The following TANC2 variants were observed in gnomAD, a reference collection of about 807,000 sequenced individuals.
The protein encoded by TANC2 is protein TANC2.
In TANC2, 26 loss-of-function variants were observed where a neutral mutation model predicts 210.5. The ratio of observed to expected loss-of-function variants is 0.12; its 90% CI spans 0.09 to 0.17. The LOEUF (loss-of-function observed/expected upper bound fraction) is 0.17, where lower values mean the gene tolerates loss of function less well. Among genes scored for constraint, TANC2 ranks in the 10% least tolerant of loss-of-function variants. The probability of loss-of-function intolerance (pLI) is 1.00; values close to 1 mark genes in which losing one functional copy is unlikely to be tolerated. For missense variants in TANC2, 2,129 were observed against 2,608.9 expected, an observed-to-expected ratio of 0.82 and a Z score of 4.01; for synonymous variants, 931 against 967.1, an observed-to-expected ratio of 0.96 and a Z score of 0.69.
At chr17:63,207,276 C>G (rs1435732333) in intron 7 of TANC2, among the ~76,000 whole-genome samples, 2 of 130,952 alleles carry the variant, frequency 1.5e-5, no homozygotes, top group African/African-American at 6.0e-5. Context: ...AGTGCGGTTG[C>G]GCAGTCTCGG....
intron 2 of TANC2, among the ~76,000 whole-genome samples, chr17:63,044,996 A>G (rs1466078288): frequency 3.3e-5 from 5 of 152,216 alleles, no homozygotes; most frequent in South Asian, 2.1e-4. Flanking sequence ...CCATGGGCCA[A>G]ATCCAGCCTG....
At chr17:63,377,509 G>A (rs888600160) in intron 14 of TANC2, among the ~76,000 whole-genome samples, 2 of 152,176 alleles carry the variant, frequency 1.3e-5, no homozygotes, top group Non-Finnish European at 2.9e-5. Context: ...CTTTACTCCT[G>A]TTCCCAACAA....
At chr17:63,242,688 A>G (rs563456213) in intron 8 of TANC2, among the ~76,000 whole-genome samples, 3 of 152,182 alleles carry the variant, frequency 2.0e-5, no homozygotes, top group Non-Finnish European at 4.4e-5. Context: ...AAATATATAC[A>G]TAATCATCAC....
Position 63,331,945 on chromosome 17 carries a change from C to A in TANC2, c.1576-8156C>A, listed in dbSNP as rs568764100. On this transcript the variant is annotated intron_variant, in intron 11 of 27. Transcript: ENST00000689528. The stretch of plus-strand genomic sequence containing the variant: ...CATTTGGCGGTATCAACTCTCAGTT[C>A]CAGCCGTTAAATACAGACGTATTTT... The A allele has an allele frequency of 6.1e-5, 15 of 244,788 alleles. No individual in the cohort carries two copies. In the South Asian group the frequency reaches 8.7e-4, roughly 14 times the overall value. 15.2% of individuals were successfully genotyped at this position (244,788 alleles called of 1,614,324 possible). A position where few individuals can be genotyped will look rare whatever the true frequency, so the allele number is the denominator to read the frequency against.
At chr17:63,291,526 G>A (rs1485675612) in intron 9 of TANC2, among the ~76,000 whole-genome samples, 3 of 152,216 alleles carry the variant, frequency 2.0e-5, no homozygotes, top group African/African-American at 4.8e-5. Flanking sequence ...TTATGGTGGG[G>A]TGAGTTAATG....
At chr17:63,267,664 G>A (rs1206606098) in intron 8 of TANC2, 84 bp from the exon 9 acceptor site, 12 of 1,458,866 alleles carry the variant, frequency 8.2e-6, no homozygotes, top group South Asian at 2.8e-5. Flanking sequence ...AGTAAGCCCT[G>A]ATTCCAAAGT....
intron 3 of TANC2, among the ~76,000 whole-genome samples, chr17:63,095,885 G>A (rs2037370245): frequency 6.6e-6 from 1 of 152,284 alleles, no homozygotes; most frequent in Admixed American, 6.5e-5. Context: ...AAGCAGAAAA[G>A]TAAAGTAGGA....
chr17:63,033,746 G>A (rs942336112), intron 2 of TANC2, among the ~76,000 whole-genome samples: 20 of 152,166 alleles, frequency 1.3e-4, no homozygotes, highest in African/African-American at 4.3e-4. Flanking sequence ...TTTATGAAAT[G>A]TGAAATTTGA....
At chr17:63,372,718 AG>A (rs1030123116) in intron 14 of TANC2, among the ~76,000 whole-genome samples, 2 of 152,156 alleles carry the variant, frequency 1.3e-5, no homozygotes, top group Non-Finnish European at 2.9e-5. Context: ...TTTGACTTTT[AG>A]GGATGAAGAG....
chr17:63,129,269 G>A (rs1446213889), intron 4 of TANC2, among the ~76,000 whole-genome samples: 1 of 152,126 alleles, frequency 6.6e-6, no homozygotes, highest in Non-Finnish European at 1.5e-5. Context: ...CTCCCAAAGT[G>A]CTGGGAATAC....
intron 4 of TANC2, among the ~76,000 whole-genome samples, chr17:63,106,243 A>T (rs1344125229): frequency 6.6e-6 from 1 of 151,752 alleles, no homozygotes; most frequent in South Asian, 2.1e-4. Flanking sequence ...AATTTCAATT[A>T]TCATGAGTCA....
At chr17:63,290,949 T>C (rs895332505) in intron 9 of TANC2, among the ~76,000 whole-genome samples, 2 of 152,206 alleles carry the variant, frequency 1.3e-5, no homozygotes, top group African/African-American at 4.8e-5. Context: ...AGCAAGACTT[T>C]AGTTACTAAA....
intron 12 of TANC2, among the ~76,000 whole-genome samples, chr17:63,344,431 A>G (rs1376881374): frequency 6.6e-6 from 1 of 152,250 alleles, no homozygotes. Flanking sequence ...GTCAAGAGCA[A>G]GACAAGAGTG....
chr17:63,074,922 G>A (rs2036519188), intron 3 of TANC2, among the ~76,000 whole-genome samples: 2 of 152,120 alleles, frequency 1.3e-5, no homozygotes, highest in South Asian at 4.1e-4. Flanking sequence ...TTTTAATCCT[G>A]TAAAAGCTTC....
At chr17:63,173,702 G>A (rs1015682879) in intron 5 of TANC2, among the ~76,000 whole-genome samples, 2 of 152,114 alleles carry the variant, frequency 1.3e-5, no homozygotes, top group African/African-American at 2.4e-5. Context: ...GAATAAACAG[G>A]CTTTTCCTGT....
chr17:63,044,575 T>C (rs1369357259), intron 2 of TANC2, among the ~76,000 whole-genome samples: 1 of 152,178 alleles, frequency 6.6e-6, no homozygotes, highest in East Asian at 1.9e-4. Flanking sequence ...TGAATATCCT[T>C]ACCCACACAT....
intron 9 of TANC2, among the ~76,000 whole-genome samples, chr17:63,311,764 A>C (rs915563716): frequency 1.3e-5 from 2 of 152,258 alleles, no homozygotes; most frequent in African/African-American, 4.8e-5. Context: ...AAAATATGGT[A>C]TATCCATACA....
At chr17:63,130,494 A>G (rs1394400517) in intron 4 of TANC2, among the ~76,000 whole-genome samples, 1 of 151,964 alleles carries the variant, frequency 6.6e-6, no homozygotes, top group Non-Finnish European at 1.5e-5. Context: ...CCTCGGTGAC[A>G]GAGTGAGACT....
chr17:62,984,046 A>T (rs1315334572), intron 1 of TANC2, among the ~76,000 whole-genome samples: 1 of 152,090 alleles, frequency 6.6e-6, no homozygotes, highest in African/African-American at 2.4e-5. Context: ...TCTTAGTATT[A>T]ATTATTCTTT....
Sources: gnomAD v4.1 joint callset for allele counts (sites outside exome capture counted in the v4.1 genomes callset) on GRCh38, gnomAD v4.1.1 for gene constraint, MANE v1.5 for transcripts, NCBI Gene and HGNC (gene_info 2026-07-23, HGNC 2026-07-21) for gene names.